Variants in DLG2 observed in about 807,000 individuals in gnomAD.
DLG2 encodes the protein disks large homolog 2.
Under a neutral mutation model 132.5 loss-of-function variants are expected in DLG2, and 45 were observed. The ratio of observed to expected loss-of-function variants is 0.34; its 90% CI spans 0.27 to 0.44. The LOEUF (loss-of-function observed/expected upper bound fraction) is 0.44. Among genes scored for constraint, DLG2 ranks in the 20% least tolerant of loss-of-function variants. The pLI is 1.00. For synonymous variants in DLG2, 424 were observed against 419.6 expected (o/e 1.01, Z -0.13); for missense variants, 1,045 against 1,196.9 (o/e 0.87, Z 1.87).
In DLG2 at chr11:84,309,933, C is replaced by G. The variant is rs376279436; in HGVS notation, c.520-58642G>C. On this transcript the variant is annotated intron_variant, in intron 7 of 27. Transcript: ENST00000376104. ...TGAATTCAATTTACAAGTTACACAG[C>G]AAGTATCTTATTCTGGTGTTAAGTG... 3.9e-5 allele frequency among the ~76,000 whole-genome samples: 6 copies of G among 152,290 alleles called. No homozygotes were observed. In the East Asian group the frequency reaches 9.7e-4, roughly 25 times the overall value.
At chr11:85,599,177 T>C (rs549443111) in intron 2 of DLG2, among the ~76,000 whole-genome samples, 1 of 152,262 alleles carries the variant, frequency 6.6e-6, no homozygotes, top group South Asian at 2.1e-4. Flanking sequence ...ATTTTCAGCC[T>C]TATTTCCCAC....
rs142014047 is a variant in DLG2 at position 85,583,351 on chromosome 11, CTGTTGT to C, written c.40+15300_40+15305del. Among the ~76,000 whole-genome samples the C allele has an allele frequency of 8.6e-3, 1,281 of 148,486 alleles. 19 individuals are homozygous for C. Among genetic ancestry groups the C allele is most frequent in the African/African-American group, 0.031 (1,241 of 40,292 alleles). On this transcript the variant is annotated intron_variant, in intron 3 of 27. Coordinates refer to ENST00000376104, the MANE Select transcript of DLG2 (RefSeq NM_001142699.3). ...CAGCTTTTTGTTGTTGTTGTTGCTC[CTGTTGT>C]TGTTGTTGTTGTTGAGACAGGGTCT...
intron 9 of DLG2, among the ~76,000 whole-genome samples, chr11:84,136,881 G>C (rs1382649484): frequency 6.6e-6 from 1 of 152,060 alleles, no homozygotes; most frequent in Non-Finnish European, 1.5e-5. Context: ...CAAAGTAGGA[G>C]GTAAAAATGT....
At chr11:84,715,585 CT>C (rs201037001) in intron 6 of DLG2, among the ~76,000 whole-genome samples, 15 of 151,212 alleles carry the variant, frequency 9.9e-5, no homozygotes, top group African/African-American at 2.7e-4. Flanking sequence ...ATGTGTTCTA[CT>C]TTTTTTTTAC....
At chr11:84,993,718 T>A (rs2057367907) in intron 6 of DLG2, among the ~76,000 whole-genome samples, 1 of 152,192 alleles carries the variant, frequency 6.6e-6, no homozygotes, top group African/African-American at 2.4e-5. Context: ...TACTCACAAC[T>A]TTTGTTAATT....
At chr11:85,359,305 A>G (rs996450470) in intron 3 of DLG2, among the ~76,000 whole-genome samples, 1 of 152,220 alleles carries the variant, frequency 6.6e-6, no homozygotes, top group Non-Finnish European at 1.5e-5. Context: ...AATTCCACCA[A>G]GTATAAGAAG....
intron 6 of DLG2, among the ~76,000 whole-genome samples, chr11:85,030,864 T>C (rs1474830045): frequency 1.3e-5 from 2 of 152,096 alleles, no homozygotes; most frequent in East Asian, 3.8e-4. Flanking sequence ...TTATTTTCGA[T>C]TTTTATTTTT....
chr11:85,096,249 C>T (rs1315108245), intron 6 of DLG2, among the ~76,000 whole-genome samples: 2 of 152,224 alleles, frequency 1.3e-5, no homozygotes, highest in Non-Finnish European at 2.9e-5. Flanking sequence ...CCCTTCCAGG[C>T]TGTGGAAGCT....
chr11:85,139,246 A>G (rs1163287729), intron 5 of DLG2, among the ~76,000 whole-genome samples: 1 of 152,102 alleles, frequency 6.6e-6, no homozygotes, highest in African/African-American at 2.4e-5. Context: ...TGTTTTGTCC[A>G]TGGCAATCTC....
intron 6 of DLG2, among the ~76,000 whole-genome samples, chr11:84,784,556 C>A (rs2072520253): frequency 6.6e-6 from 1 of 151,770 alleles, no homozygotes; most frequent in African/African-American, 2.4e-5. Context: ...CTAACCACTC[C>A]CTCAGATTAT....
At chr11:83,883,082 C>T (rs1426475030) in intron 15 of DLG2, among the ~76,000 whole-genome samples, 1 of 152,066 alleles carries the variant, frequency 6.6e-6, no homozygotes, top group Non-Finnish European at 1.5e-5. Flanking sequence ...TCTTAATTGC[C>T]CACAATTTTA....
chr11:84,545,676 C>T (rs1171830962), intron 6 of DLG2: 2 of 287,756 alleles, frequency 7.0e-6, no homozygotes, highest in Admixed American at 3.5e-5. Context: ...CTTTGCTTGC[C>T]ACTGCCTCGG....
chr11:84,966,636 C>A (rs1162624549), intron 6 of DLG2, among the ~76,000 whole-genome samples: 1 of 152,064 alleles, frequency 6.6e-6, no homozygotes, highest in Admixed American at 6.6e-5. Flanking sequence ...TTTAGAAAGG[C>A]AACTTTGGTG....
At chr11:83,856,769 G>A (rs1488195715) in intron 16 of DLG2, among the ~76,000 whole-genome samples, 1 of 152,156 alleles carries the variant, frequency 6.6e-6, no homozygotes, top group African/African-American at 2.4e-5. Context: ...CTCCAATTCT[G>A]TAGGTGGTCA....
intron 3 of DLG2, among the ~76,000 whole-genome samples, chr11:85,294,720 G>A (rs1369228761): frequency 2.6e-5 from 4 of 152,098 alleles, no homozygotes; most frequent in Non-Finnish European, 5.9e-5. Flanking sequence ...TTGAATACCT[G>A]AACATAGAAT....
At chr11:85,147,271 A>T (rs971504554) in intron 5 of DLG2, among the ~76,000 whole-genome samples, 5 of 152,096 alleles carry the variant, frequency 3.3e-5, no homozygotes, top group African/African-American at 1.2e-4. Context: ...AATCACTGGA[A>T]CGTTCTATTC....
At chr11:84,407,339 G>A (rs1651186505) in intron 7 of DLG2, among the ~76,000 whole-genome samples, 1 of 151,996 alleles carries the variant, frequency 6.6e-6, no homozygotes, top group African/African-American at 2.4e-5. Flanking sequence ...TGACTTCTGA[G>A]CATTACATGC....
intron 15 of DLG2, among the ~76,000 whole-genome samples, chr11:83,890,536 G>C (rs904729370): frequency 6.6e-6 from 1 of 152,128 alleles, no homozygotes; most frequent in African/African-American, 2.4e-5. Flanking sequence ...GCATGGGCTT[G>C]GGAACCAATG....
intron 4 of DLG2, among the ~76,000 whole-genome samples, chr11:85,177,075 T>C (rs1277073607): frequency 2.0e-5 from 3 of 152,018 alleles, no homozygotes; most frequent in Non-Finnish European, 4.4e-5. Context: ...GAAGCATAAA[T>C]GCCATTTGAC....
Sources: gnomAD v4.1 joint callset for allele counts (sites outside exome capture counted in the v4.1 genomes callset) on GRCh38, gnomAD v4.1.1 for gene constraint, MANE v1.5 for transcripts, NCBI Gene and HGNC (gene_info 2026-07-23, HGNC 2026-07-21) for gene names.